The following FSTL4 variants were observed in gnomAD, a reference collection of about 807,000 sequenced individuals.
FSTL4 encodes follistatin-related protein 4.
Under a neutral mutation model 78.2 loss-of-function variants are expected in FSTL4, and 28 were observed. That is an observed-to-expected ratio of 0.36 (90% CI 0.27 to 0.49). The LOEUF is 0.49. FSTL4 is among the 20% of genes least tolerant of loss of function. The pLI, the probability that FSTL4 is intolerant of heterozygous loss-of-function variation, is 0.98. For synonymous variants in FSTL4, 422 were observed against 440.5 expected, an observed-to-expected ratio of 0.96 and a Z score of 0.53; for missense variants, 922 against 1,084.9, an observed-to-expected ratio of 0.85 and a Z score of 2.11.
chr5:133,485,527 C>T lies in FSTL4; in HGVS notation c.160+81659G>A, dbSNP rs1004918317. Among the ~76,000 whole-genome samples the T allele has an allele frequency of 2.0e-5, 3 of 152,250 alleles. No homozygotes were observed. In the East Asian group the frequency reaches 5.8e-4, roughly 29 times the overall value. On this transcript the variant is annotated intron_variant, in intron 3 of 15. Coordinates refer to ENST00000265342, the MANE Select transcript of FSTL4 (RefSeq NM_015082.2). ...TTAGGCTAAGGAAGCATGGCCAGGA[C>T]TTGCTGCTCAGCAGAGGTCCTTTAA...
chr5:133,531,651 A>G (rs552964590), intron 3 of FSTL4, among the ~76,000 whole-genome samples: 84 of 152,370 alleles, frequency 5.5e-4, no homozygotes, highest in Non-Finnish European at 1.0e-3. Context: ...CTTGCAATAA[A>G]TCAGTGTGAA....
chr5:133,322,235 A>C (rs1017134840), intron 4 of FSTL4, among the ~76,000 whole-genome samples: 4 of 76,562 alleles, frequency 5.2e-5, no homozygotes, highest in African/African-American at 1.9e-4. Flanking sequence ...CCACACACAC[A>C]CACACCCCCA....
the FSTL4 span, among the ~76,000 whole-genome samples, chr5:133,685,076 A>T: frequency 6.6e-6 from 1 of 152,228 alleles, no homozygotes; most frequent in Non-Finnish European, 1.5e-5. Flanking sequence ...GGGCCTGTCC[A>T]GCCTTGGCAG....
At chr5:133,721,936 T>C in the FSTL4 span, among the ~76,000 whole-genome samples, 2 of 152,214 alleles carry the variant, frequency 1.3e-5, no homozygotes, top group Admixed American at 6.5e-5. Context: ...TAATGGTATC[T>C]CATAAGTCCC....
chr5:133,559,769 A>G (rs1759873945), intron 3 of FSTL4, among the ~76,000 whole-genome samples: 1 of 152,202 alleles, frequency 6.6e-6, no homozygotes, highest in Admixed American at 6.5e-5. Context: ...AACACAGTTT[A>G]AGCTCCTTCT....
At chr5:133,233,747 T>C (rs1751572385) in intron 7 of FSTL4, among the ~76,000 whole-genome samples, 1 of 152,150 alleles carries the variant, frequency 6.6e-6, no homozygotes, top group Non-Finnish European at 1.5e-5. Flanking sequence ...GACCTCTGCA[T>C]CTGTTTAAGG....
chr5:133,369,356 GGCTC>G (rs1407242639), intron 4 of FSTL4, among the ~76,000 whole-genome samples: 1 of 152,084 alleles, frequency 6.6e-6, no homozygotes, highest in Non-Finnish European at 1.5e-5. Flanking sequence ...CCCCTCCCTG[GGCTC>G]ATTGCTCCTG....
chr5:133,655,601 C>T, the FSTL4 span, among the ~76,000 whole-genome samples: 1 of 152,074 alleles, frequency 6.6e-6, no homozygotes, highest in African/African-American at 2.4e-5. Context: ...GTGAACTATA[C>T]ATTGAATACT....
In FSTL4 at chr5:133,612,069, C is replaced by G. The variant is rs1444243443; in HGVS notation, c.-11+256G>C. 3.9e-5 allele frequency among the ~76,000 whole-genome samples: 6 copies of G among 152,026 alleles called. No individual in the cohort carries two copies. The highest frequency in any genetic ancestry group is 1.4e-4 in the African/African-American group (6 of 41,430). On this transcript the variant is annotated intron_variant, in intron 1 of 15. Coordinates refer to ENST00000265342, the MANE Select transcript of FSTL4 (RefSeq NM_015082.2). This position sits in a 1 kb window ranked among gnomAD's most constrained non-coding sequence, Gnocchi z 6.2. ...CGTAGACCCCGGCCACGAGCCTCGGCGTCCCAGCCTCTCCTCGAGTCCTGG... is the reference window on the plus strand; with the variant it reads ...CGTAGACCCCGGCCACGAGCCTCGGGGTCCCAGCCTCTCCTCGAGTCCTGG...
chr5:133,334,547 A>ATGTT (rs1474484357), intron 4 of FSTL4, among the ~76,000 whole-genome samples: 1 of 152,174 alleles, frequency 6.6e-6, no homozygotes, highest in Non-Finnish European at 1.5e-5. Flanking sequence ...TTACGCAGAT[A>ATGTT]TGTTCTCTGT....
intron 6 of FSTL4, among the ~76,000 whole-genome samples, chr5:133,296,682 G>T (rs1277316940): frequency 3.9e-5 from 6 of 151,936 alleles, no homozygotes; most frequent in Admixed American, 2.6e-4. Context: ...GCCCACCCCT[G>T]CCCTGCCCTG....
intron 3 of FSTL4, among the ~76,000 whole-genome samples, chr5:133,499,713 T>C (rs906708670): frequency 6.6e-6 from 1 of 152,164 alleles, no homozygotes; most frequent in Non-Finnish European, 1.5e-5. Flanking sequence ...GCCTCTGACA[T>C]GCTGCCAAGG....
chr5:133,217,586 C>T (rs1581535183), intron 12 of FSTL4, among the ~76,000 whole-genome samples: 1 of 152,220 alleles, frequency 6.6e-6, no homozygotes, highest in Non-Finnish European at 1.5e-5. Context: ...ACTCCCTTTG[C>T]ACCCGCTCAG....
At chr5:133,388,882 G>A (rs568809919) in intron 4 of FSTL4, among the ~76,000 whole-genome samples, 4 of 150,610 alleles carry the variant, frequency 2.7e-5, no homozygotes, top group Non-Finnish European at 5.9e-5. Flanking sequence ...GTGTATTTGG[G>A]GAGCGGTTTT....
At chr5:133,315,908 T>C (rs1488953877) in intron 5 of FSTL4, among the ~76,000 whole-genome samples, 2 of 152,192 alleles carry the variant, frequency 1.3e-5, no homozygotes, top group East Asian at 1.9e-4. Flanking sequence ...ACAAAGGACA[T>C]GTGTGCTGTG....
At chr5:133,522,803 C>A (rs756448858) in intron 3 of FSTL4, among the ~76,000 whole-genome samples, 2 of 152,190 alleles carry the variant, frequency 1.3e-5, no homozygotes, top group African/African-American at 2.4e-5. Flanking sequence ...TCAATGAGTC[C>A]GAGATTTGAA....
At chr5:133,639,213 C>CA in the FSTL4 span, among the ~76,000 whole-genome samples, 1 of 152,118 alleles carries the variant, frequency 6.6e-6, no homozygotes, top group African/African-American at 2.4e-5. Flanking sequence ...AACAGAAAAC[C>CA]AAACACCACA....
At chr5:133,443,333 C>T (rs370691739) in intron 3 of FSTL4, among the ~76,000 whole-genome samples, 1 of 152,208 alleles carries the variant, frequency 6.6e-6, no homozygotes, top group Non-Finnish European at 1.5e-5. Flanking sequence ...TAAGGATTCC[C>T]ATCTGGGAAA....
chr5:133,654,480 A>G, the FSTL4 span, among the ~76,000 whole-genome samples: 1 of 152,204 alleles, frequency 6.6e-6, no homozygotes, highest in Non-Finnish European at 1.5e-5. Flanking sequence ...ATACACTAGC[A>G]TCAAGGCCAG....
Sources: gnomAD v4.1 joint callset for allele counts (sites outside exome capture counted in the v4.1 genomes callset) on GRCh38, gnomAD v4.1.1 for gene constraint, Gnocchi (gnomAD v3.1) non-coding constraint, MANE v1.5 for transcripts, NCBI Gene and HGNC (gene_info 2026-07-23, HGNC 2026-07-21) for gene names.